The following PRX variants were observed in gnomAD, a reference collection of about 807,000 sequenced individuals.
PRX encodes periaxin.
PRX carries 24 observed loss-of-function variants against 29.6 expected under a neutral mutation model. The ratio of observed to expected loss-of-function variants is 0.81; its 90% CI spans 0.59 to 1.14. PRX has a LOEUF of 1.14. Among genes scored for constraint, PRX ranks in the 50% most tolerant of loss-of-function variants. The pLI is 0.00. For synonymous variants in PRX, 772 were observed against 831.7 expected (o/e 0.93, Z 1.24); for missense variants, 1,838 against 1,926.4 (o/e 0.95, Z 0.86).
chr19:40,408,977 C>G (rs1221192151), intron 1 of PRX, among the ~76,000 whole-genome samples: 1 of 151,938 alleles, frequency 6.6e-6, no homozygotes, highest in Non-Finnish European at 1.5e-5. Context: ...ACTACAGGCA[C>G]GCACCTTGGG....
rs72256185 is a variant in PRX, at chr19:40,407,212, T to TTGTGTGTGTGTGTG, written c.27+680_27+693dup. Reference sequence around the variant, plus strand: ...TCCTTAACTCCTACATTATATGCCCTTGTGTGTGTGTGTGTGTGTGTGTGT... The same window carrying TTGTGTGTGTGTGTG: ...TCCTTAACTCCTACATTATATGCCCTTGTGTGTGTGTGTGTGTGTGTGTGTGTGTGTGTGTGTGT... On this transcript the variant is annotated intron_variant, in intron 4 of 6. Transcript: ENST00000324001. 6.7e-3 allele frequency among the ~76,000 whole-genome samples: 894 copies of TTGTGTGTGTGTGTG among 133,848 alleles called. 12 individuals are homozygous for TTGTGTGTGTGTGTG. The highest frequency in any genetic ancestry group is 0.023 in the African/African-American group (809 of 35,354). 87.8% of individuals were successfully genotyped at this position (133,848 alleles called of 152,430 possible). A position where few individuals can be genotyped will look rare whatever the true frequency, so the allele number is the denominator to read the frequency against.
chr19:40,398,458 A>T lies in PRX; in HGVS notation c.381+162T>A. Reference sequence around the variant, plus strand: ...GGTGGGTCTGTCCCCCTTCCCGGGGAAGAGTTTGGGGCAGAGAGGAAGGGG... The same window carrying T: ...GGTGGGTCTGTCCCCCTTCCCGGGGTAGAGTTTGGGGCAGAGAGGAAGGGG... On this transcript the variant is annotated intron_variant, in intron 6 of 6. Transcript: ENST00000324001. The surrounding 1 kb of genome is among the most constrained non-coding windows in gnomAD (Gnocchi z 6.3). The T allele has an allele frequency of 1.3e-6, 2 of 1,519,178 alleles. No homozygotes were observed. The highest frequency in any genetic ancestry group is 1.8e-6 in the Non-Finnish European group (2 of 1,137,986). The allele number at this position is 1,519,178 out of a possible 1,614,324, so 94.1% of individuals were successfully genotyped here.
chr19:40,411,570 CAA>C (rs2079558995), intron 1 of PRX, among the ~76,000 whole-genome samples: 1 of 152,084 alleles, frequency 6.6e-6, no homozygotes, highest in South Asian at 2.1e-4. Flanking sequence ...GGGGCAGGGA[CAA>C]GAGAGAGTGC....
In PRX at chr19:40,395,119, C is replaced by T; in HGVS notation, c.3233G>A (p.Gly1078Asp). 6.2e-7 allele frequency: 1 copy of T among 1,614,122 alleles called. No individual in the cohort carries two copies. The highest frequency in any genetic ancestry group is 8.5e-7 in the Non-Finnish European group (1 of 1,180,030). ...LARGKEAEVQ[G>D]DRASPGEKAE... The stretch of plus-strand genomic sequence containing the variant: ...CTTTTCCCCCGGGCTGGCACGATCA[C>T]CTTGAACTTCTGCTTCCTTCCCTCG... The change falls in exon 7 of 7, where the codon GGT becomes GAT. Residue 1078 changes from glycine to aspartate, a missense_variant. Gly to Asp is a moderately conservative substitution (Grantham distance 94). Around this residue, in one of 3 missense-constraint regions of PRX, gnomAD observed 1,143 missense variants for 1,193.0 expected, o/e 0.96. Coordinates refer to ENST00000324001, the MANE Select transcript of PRX (RefSeq NM_181882.3).
chr19:40,408,160 C>G lies in PRX; in HGVS notation c.-102G>C. 1 of 616,448 alleles carries G rather than the reference C, an allele frequency of 1.6e-6. No individual in the cohort carries two copies. Among genetic ancestry groups the G allele is most frequent in the South Asian group, 1.9e-5 (1 of 52,764 alleles). 38.2% of individuals were successfully genotyped at this position (616,448 alleles called of 1,614,324 possible). On this transcript the variant is annotated splice_region_variant and 5_prime_UTR_variant, in exon 3 of 7. Coordinates refer to ENST00000324001, the MANE Select transcript of PRX (RefSeq NM_181882.3). ...CCCCACCCCAGCTGTCCTCTCACCG[C>G]TGCCTGGGTGCAGGCACTTCCTCCT...
rs1228903319 is a variant in PRX, at chr19:40,403,838, C to G, written c.52G>C (p.Glu18Gln). The change falls in exon 5 of 7, where the codon GAA becomes CAA. Residue 18 changes from glutamate to glutamine, a missense_variant. Physicochemically the swap from Glu to Gln is conservative, Grantham distance 29 (BLOSUM62 2). Coordinates refer to ENST00000324001, the MANE Select transcript of PRX (RefSeq NM_181882.3). ...AEELRRAELVEIIVETEAQTG... is the reference protein window; with the variant it reads ...AEELRRAELVQIIVETEAQTG... ...TGCGCCTCCGTCTCCACGATAATTT[C>G]CACCAACTCCGCCCGCCTCAGCTCC... 3 of 1,602,438 alleles carry G rather than the reference C, an allele frequency of 1.9e-6. No individual in the cohort carries two copies. Among genetic ancestry groups the G allele is most frequent in the Non-Finnish European group, 2.5e-6 (3 of 1,177,768 alleles).
rs758416390 is a variant in PRX at position 40,394,557 on chromosome 19, G to A, written c.3795C>T (p.Pro1265=). The change falls in exon 7 of 7, where the codon CCC becomes CCT. Residue 1265 remains proline (P), a synonymous_variant. Coordinates refer to ENST00000324001, the MANE Select transcript of PRX (RefSeq NM_181882.3). The surrounding 1 kb of genome is among the most constrained non-coding windows in gnomAD (Gnocchi z 5.8). ...RVGGEGAEEQ[P]PGAERTFCLS... is the part of the protein sequence containing the mutation. ...GGCAGAAGGTACGCTCGGCCCCTGG[G>A]GGCTGCTCCTCAGCACCCTCGCCCC... The A allele has an allele frequency of 1.9e-6, 3 of 1,607,960 alleles. No homozygotes were observed. Among genetic ancestry groups the A allele is most frequent in the South Asian group, 2.2e-5 (2 of 90,560 alleles).
chr19:40,395,809 C>G lies in PRX; in HGVS notation c.2543G>C (p.Gly848Ala). ...TGAAGGCAGAGTGAGAGAGGGGACA[C>G]CCACATGAGCCTCACCATCCACCTC... ...QPEVDGEAHVGVPSLTLPSVE... is the reference protein window; with the variant it reads ...QPEVDGEAHVAVPSLTLPSVE... Residue 848 changes from glycine (G) to alanine (A), a missense_variant, in exon 7 of 7, where the codon GGT (glycine) becomes GCT (alanine). Around this residue, in one of 3 missense-constraint regions of PRX, gnomAD observed 1,143 missense variants for 1,193.0 expected, o/e 0.96. Coordinates refer to ENST00000324001, the MANE Select transcript of PRX (RefSeq NM_181882.3). 6.2e-7 allele frequency: 1 copy of G among 1,614,200 alleles called. No individual in the cohort carries two copies. The highest frequency in any genetic ancestry group is 8.5e-7 in the Non-Finnish European group (1 of 1,180,052).
rs115090201 is a variant in PRX, at chr19:40,403,757, G to A, written c.133C>T (p.Arg45Trp). 9.4e-6 allele frequency: 15 copies of A among 1,587,712 alleles called. No homozygotes were observed. The highest frequency in any genetic ancestry group is 1.7e-5 in the Admixed American group (1 of 57,294). The part of the protein sequence containing the change: ...AGGGKEGIFV[R>W]ELREDSPAAR... ...GCGGGTGAGTCCTCGCGCAGCTCCC[G>A]AACGAAGATTCCCTCTTTGCCGCCG... is the stretch of plus-strand genomic sequence containing the variant. Residue 45 changes from arginine to tryptophan, a missense_variant, in exon 5 of 7, where the codon CGG becomes TGG. Around this residue, in one of 3 missense-constraint regions of PRX, gnomAD observed 666 missense variants for 665.0 expected, o/e 1.00. Transcript: ENST00000324001.
In PRX at chr19:40,395,069, T is replaced by A; in HGVS notation, c.3283A>T (p.Lys1095Ter). 6.2e-7 allele frequency: 1 copy of A among 1,613,146 alleles called. No individual in the cohort carries two copies. Among genetic ancestry groups the A allele is most frequent in the Non-Finnish European group, 8.5e-7 (1 of 1,179,996 alleles). The change falls in exon 7 of 7, where the codon AAG becomes TAG. Residue 1095 changes from lysine (K) to a stop codon, truncating the protein, a stop_gained. Transcript: ENST00000324001. LOFTEE classifies it low-confidence loss of function (END_TRUNC). The stretch of plus-strand genomic sequence containing the variant: ...GTGACCAGCTCCACCTCGGGGATCT[T>A]AAGCTGCACAGCGGTGGACTCAGCC... ...EKAESTAVQL[K>*]IPEVELVTLG...
chr19:40,394,467 C>A lies in PRX; in HGVS notation c.3885G>T (p.Glu1295Asp). 6.2e-7 allele frequency: 1 copy of A among 1,601,622 alleles called. No homozygotes were observed. Among genetic ancestry groups the A allele is most frequent in the Non-Finnish European group, 8.5e-7 (1 of 1,174,482 alleles). ...GCTTGTGTCCGGCCTCTCCCTCCCC[C>A]TCTGCCACCTGGTACTCGGCATGGT... ...GGNHAEYQVA[E>D]GEGEAGHKLK... Residue 1295 changes from glutamate to aspartate, a missense_variant, in exon 7 of 7, where the codon GAG becomes GAT. Coordinates refer to ENST00000324001, the MANE Select transcript of PRX (RefSeq NM_181882.3). This position sits in a 1 kb window ranked among gnomAD's most constrained non-coding sequence, Gnocchi z 5.8.
chr19:40,397,621 G>T lies in PRX; in HGVS notation c.731C>A (p.Ala244Glu), dbSNP rs118071705. The T allele has an allele frequency of 1.9e-5, 30 of 1,541,074 alleles. No individual in the cohort carries two copies. The East Asian group carries it at 7.3e-4, about 37-fold the overall frequency. Residue 244 changes from alanine (A) to glutamate (E), a missense_variant, in exon 7 of 7, where the codon GCG becomes GAG. Physicochemically the swap from Ala to Glu is moderately radical, Grantham distance 107. This residue lies in a region of PRX where 666 missense variants were observed against 665.0 expected (regional missense o/e 1.00). Coordinates refer to ENST00000324001, the MANE Select transcript of PRX (RefSeq NM_181882.3). ...VELVGPRLPGAEVGVPQVSAP... is the reference protein window; with the variant it reads ...VELVGPRLPGEEVGVPQVSAP... ...TGAGACCTGGGGGACACCCACCTCC[G>T]CCCCTGGCAGCCGCGGCCCAACCAG...
intron 1 of PRX, among the ~76,000 whole-genome samples, chr19:40,412,305 G>A (rs1226719733): frequency 2.6e-5 from 4 of 152,240 alleles, no homozygotes; most frequent in African/African-American, 7.2e-5. Context: ...TGGCTGCCTC[G>A]GTTAGTCCCT....
Position 40,397,709 on chromosome 19 carries a change from TG to T in PRX, c.642del (p.Arg215GlyfsTer98), listed in dbSNP as rs768074428. The T allele has an allele frequency of 1.3e-6, 2 of 1,562,078 alleles. No individual in the cohort carries two copies. Among genetic ancestry groups the T allele is most frequent in the Non-Finnish European group, 8.6e-7 (1 of 1,158,046 alleles). Reference sequence around the variant, plus strand: ...ACCTCAGCCTCCACCTTGGCTTTCCTGGGGGGAGGAGCGGCGGCGGCCAGCC... The same window carrying T: ...ACCTCAGCCTCCACCTTGGCTTTCCTGGGGGAGGAGCGGCGGCGGCCAGCC... The part of the protein sequence containing the change: ...AARLAAAAPP[P>X]RKAKVEAEVA... On this transcript the variant is annotated frameshift_variant, in exon 7 of 7. Transcript: ENST00000324001. LOFTEE classifies it low-confidence loss of function (END_TRUNC).
chr19:40,394,762 G>A lies in PRX; in HGVS notation c.3590C>T (p.Ala1197Val), dbSNP rs1195364397. Residue 1197 changes from alanine to valine, a missense_variant, in exon 7 of 7, where the codon GCC (alanine) becomes GTC (valine). Physicochemically the swap from Ala to Val is moderately conservative, Grantham distance 64. Around this residue, in one of 3 missense-constraint regions of PRX, gnomAD observed 1,143 missense variants for 1,193.0 expected, o/e 0.96. Coordinates refer to ENST00000324001, the MANE Select transcript of PRX (RefSeq NM_181882.3). This position sits in a 1 kb window ranked among gnomAD's most constrained non-coding sequence, Gnocchi z 5.8. ...CAGCAGCTCACCACCTGCAACCTGG[G>A]CTCCAGGCAGAGACAGGGTCACCTG... ...VPQVTLSLPG[A>V]QVAGGELLVG... 6.2e-7 allele frequency: 1 copy of A among 1,613,548 alleles called. No individual in the cohort carries two copies. The highest frequency in any genetic ancestry group is 8.5e-7 in the Non-Finnish European group (1 of 1,180,014).
In PRX at chr19:40,396,892, G is replaced by A. The variant is rs778936443; in HGVS notation, c.1460C>T (p.Pro487Leu). Residue 487 changes from proline (P) to leucine (L), a missense_variant, in exon 7 of 7, where the codon CCG becomes CTG. Around this residue, in one of 3 missense-constraint regions of PRX, gnomAD observed 666 missense variants for 665.0 expected, o/e 1.00. Coordinates refer to ENST00000324001, the MANE Select transcript of PRX (RefSeq NM_181882.3). ...KLPKVPEMAV[P>L]EVRLPEVELP... ...CTCTACCTCTGGAAGCCGCACCTCC[G>A]GCACAGCCATCTCTGGCACCTTTGG... The A allele has an allele frequency of 9.3e-6, 15 of 1,614,024 alleles. No homozygotes were observed. The highest frequency in any genetic ancestry group is 6.7e-5 in the Admixed American group (4 of 59,996).
Position 40,396,182 on chromosome 19 carries a change from G to C in PRX, c.2170C>G (p.Leu724Val). ...VCEMKVPDMK[L>V]PEIKLPKVPE... ...ACCTTGGGGAGTTTTATCTCTGGGA[G>C]CTTCATGTCAGGGACTTTCATTTCA... Residue 724 changes from leucine to valine, a missense_variant, in exon 7 of 7, where the codon CTC becomes GTC. Around this residue, in one of 3 missense-constraint regions of PRX, gnomAD observed 1,143 missense variants for 1,193.0 expected, o/e 0.96. Transcript: ENST00000324001. The C allele has an allele frequency of 6.2e-7, 1 of 1,610,582 alleles. No homozygotes were observed. Among genetic ancestry groups the C allele is most frequent in the South Asian group, 1.1e-5 (1 of 90,934 alleles).
At chr19:40,413,050 A>G (rs2079565942) in intron 1 of PRX, among the ~76,000 whole-genome samples, 1 of 152,202 alleles carries the variant, frequency 6.6e-6, no homozygotes, top group South Asian at 2.1e-4. Context: ...AAAAGCAGCA[A>G]CTCATTTACT....
At chr19:40,408,058 G>A in intron 3 of PRX, 27 bp from the exon 4 acceptor site, 1 of 1,292,878 alleles carries the variant, frequency 7.7e-7, no homozygotes, top group Non-Finnish European at 1.1e-6. Flanking sequence ...GTGGAGGCTT[G>A]AGGCCAGTAG....
Sources: allele counts gnomAD v4.1 joint callset (sites outside exome capture counted in the v4.1 genomes callset), GRCh38; gene constraint gnomAD v4.1.1; regional missense constraint gnomAD v4.1.1; non-coding constraint Gnocchi (gnomAD v3.1); transcripts MANE v1.5; gene names NCBI Gene and HGNC (gene_info 2026-07-23, HGNC 2026-07-21).